WDFY3: variants seen among roughly 807,000 people sequenced by gnomAD.
WDFY3 encodes WD repeat and FYVE domain containing 3.
WDFY3 carries 66 observed loss-of-function variants against 409.6 expected under a neutral mutation model. The ratio of observed to expected loss-of-function variants is 0.16; its 90% CI spans 0.13 to 0.20. The LOEUF is 0.20. Among genes scored for constraint, WDFY3 ranks in the 10% least tolerant of loss-of-function variants. The pLI is 1.00. For missense variants in WDFY3, 3,031 were observed against 4,298.1 expected, an observed-to-expected ratio of 0.71 and a Z score of 8.24; for synonymous variants, 1,521 against 1,537.1, an observed-to-expected ratio of 0.99 and a Z score of 0.25.
At chr4:84,868,639 A>G (rs767004709) in intron 3 of WDFY3, among the ~76,000 whole-genome samples, 4 of 152,176 alleles carry the variant, frequency 2.6e-5, no homozygotes, top group Admixed American at 1.3e-4. Context: ...ACATATTCCA[A>G]AGCCAAAAGC....
intron 9 of WDFY3, among the ~76,000 whole-genome samples, chr4:84,827,194 A>G (rs1447285983): frequency 6.6e-6 from 1 of 152,138 alleles, no homozygotes; most frequent in Non-Finnish European, 1.5e-5. Context: ...TTTAAAAAAA[A>G]AAAAGATTTA....
At chr4:84,913,643 C>T (rs941322755) in intron 2 of WDFY3, among the ~76,000 whole-genome samples, 1 of 151,566 alleles carries the variant, frequency 6.6e-6, no homozygotes, top group Non-Finnish European at 1.5e-5. Flanking sequence ...AGAAGGGTTC[C>T]GATTATCCAA....
At position 84,766,237 on chromosome 4, in the gene WDFY3, A is replaced by G; in HGVS notation, c.4970+15T>C. ...TAGCAACTGGTATAATCACTTTTAA[A>G]AAAGATTTACTTACTGCAAATTAAT... On this transcript the variant is annotated intron_variant, in intron 31 of 67. Coordinates refer to ENST00000295888, the MANE Select transcript of WDFY3 (RefSeq NM_014991.6). 1.3e-6 allele frequency: 2 copies of G among 1,568,430 alleles called. No homozygotes were observed. Among genetic ancestry groups the G allele is most frequent in the Non-Finnish European group, 1.7e-6 (2 of 1,158,480 alleles).
At chr4:84,912,162 C>G (rs1195441605) in intron 2 of WDFY3, among the ~76,000 whole-genome samples, 2 of 152,148 alleles carry the variant, frequency 1.3e-5, no homozygotes, top group Non-Finnish European at 2.9e-5. Context: ...GGAACTCATA[C>G]GAAGTGCCAC....
At chr4:84,888,616 C>T (rs957583621) in intron 3 of WDFY3, among the ~76,000 whole-genome samples, 1 of 152,090 alleles carries the variant, frequency 6.6e-6, no homozygotes, top group Non-Finnish European at 1.5e-5. Context: ...AATGTAAATG[C>T]AAAATATTTC....
intron 50 of WDFY3, among the ~76,000 whole-genome samples, chr4:84,714,210 T>C (rs548863579): frequency 6.6e-6 from 1 of 152,254 alleles, no homozygotes; most frequent in Non-Finnish European, 1.5e-5. Context: ...AACCTTGACC[T>C]CCTGGGCTTA....
chr4:84,735,081 G>T lies in WDFY3; in HGVS notation c.6955C>A (p.Arg2319Ser). ...QWMFTHIAVV[R>S]DLVDTQYKEY... ...TTATATTGTGTATCTACTAAGTCACGAACAACAGCAATGTGAGTAAACATC... is the reference window on the plus strand; with the variant it reads ...TTATATTGTGTATCTACTAAGTCACTAACAACAGCAATGTGAGTAAACATC... The change falls in exon 43 of 68, where the codon CGT (arginine) becomes AGT (serine). Residue 2319 changes from arginine to serine, a missense_variant. Physicochemically the swap from Arg to Ser is moderately radical, Grantham distance 110. Coordinates refer to ENST00000295888, the MANE Select transcript of WDFY3 (RefSeq NM_014991.6). The T allele has an allele frequency of 6.2e-7, 1 of 1,612,948 alleles. No homozygotes were observed. The highest frequency in any genetic ancestry group is 1.1e-5 in the South Asian group (1 of 91,016).
In WDFY3 at chr4:84,737,235, C is replaced by T. The variant is rs1737604801; in HGVS notation, c.6706G>A (p.Ala2236Thr). ...GCAGCTTCTTCAATGAGTGGCCTTGCTGTAGCTATGTCCACGTGGCCCCTT... is the reference window on the plus strand; with the variant it reads ...GCAGCTTCTTCAATGAGTGGCCTTGTTGTAGCTATGTCCACGTGGCCCCTT... ...NERGHVDIAT[A>T]RPLIEEAALK... The change falls in exon 41 of 68, where the codon GCA becomes ACA. Residue 2236 changes from alanine to threonine, a missense_variant. Ala to Thr is a moderately conservative substitution (Grantham distance 58). Transcript: ENST00000295888. 1.9e-6 allele frequency: 3 copies of T among 1,613,968 alleles called. No homozygotes were observed. Among genetic ancestry groups the T allele is most frequent in the African/African-American group, 2.7e-5 (2 of 74,894 alleles).
At position 84,692,991 on chromosome 4, in the gene WDFY3, T is replaced by C; in HGVS notation, c.8943A>G (p.Arg2981=). 6.2e-7 allele frequency: 1 copy of C among 1,611,898 alleles called. No individual in the cohort carries two copies. The highest frequency in any genetic ancestry group is 1.7e-4 in the Middle Eastern group (1 of 6,054). ...KPHPPKRVRS[R]LNGDNAGISV... is the part of the protein sequence containing the mutation. ...AGATTCCTGCATTGTCTCCATTGAGTCGACTTCTCACTCGCTTTGGTGGAT... is the reference window on the plus strand; with the variant it reads ...AGATTCCTGCATTGTCTCCATTGAGCCGACTTCTCACTCGCTTTGGTGGAT... Residue 2981 remains arginine, a synonymous_variant, in exon 59 of 68, where the codon CGA becomes CGG. Transcript: ENST00000295888.
chr4:84,702,522 G>C lies in WDFY3; in HGVS notation c.8443-16C>G. 1 of 1,581,310 alleles carries C rather than the reference G, an allele frequency of 6.3e-7. No individual in the cohort carries two copies. Among genetic ancestry groups the C allele is most frequent in the Non-Finnish European group, 8.6e-7 (1 of 1,167,176 alleles). On this transcript the variant is annotated splice_polypyrimidine_tract_variant and intron_variant, in intron 55 of 67. Transcript: ENST00000295888. ...AGTGGCCACCCTGTGGGCAGAATAA[G>C]ACACCTCTCTATTAGAGAACCGTTC...
intron 67 of WDFY3, 70 bp downstream of exon 67, chr4:84,677,129 T>A: frequency 1.3e-6 from 2 of 1,568,700 alleles, no homozygotes; most frequent in Non-Finnish European, 1.7e-6. Context: ...TCAGAACCTG[T>A]GTGCAGGACA....
intron 3 of WDFY3, chr4:84,879,555 T>C (rs1009835856): frequency 1.3e-5 from 2 of 151,960 alleles, no homozygotes; most frequent in Non-Finnish European, 2.9e-5. Flanking sequence ...TGCTGGAAAG[T>C]ACAACCTCAG....
At chr4:84,712,134 G>A (rs958640921) in intron 51 of WDFY3, among the ~76,000 whole-genome samples, 2 of 151,542 alleles carry the variant, frequency 1.3e-5, no homozygotes, top group Non-Finnish European at 2.9e-5. Flanking sequence ...GACCACCCAC[G>A]CCAACATGGA....
chr4:84,789,936 CT>C, intron 21 of WDFY3, 29 bp from the exon 22 acceptor site: 2 of 1,610,024 alleles, frequency 1.2e-6, no homozygotes. Context: ...GACATAAAAA[CT>C]TTTTCCAACA....
In WDFY3 at chr4:84,690,667, A is replaced by G. The variant is rs147666457; in HGVS notation, c.9205-3T>C. 903 of 1,607,872 alleles carry G rather than the reference A, an allele frequency of 5.6e-4. 6 individuals carry two copies. In the African/African-American group the frequency reaches 0.011, roughly 20 times the overall value. ...AAGCATTCATAAACAGTCATGGCCTATAAAGTAAAACGGATGTGAGACACA... is the reference window on the plus strand; with the variant it reads ...AAGCATTCATAAACAGTCATGGCCTGTAAAGTAAAACGGATGTGAGACACA... On this transcript the variant is annotated splice_polypyrimidine_tract_variant and splice_region_variant and intron_variant, in intron 60 of 67. Coordinates refer to ENST00000295888, the MANE Select transcript of WDFY3 (RefSeq NM_014991.6).
intron 46 of WDFY3, among the ~76,000 whole-genome samples, chr4:84,722,393 A>G (rs1447916359): frequency 6.6e-6 from 1 of 152,176 alleles, no homozygotes; most frequent in African/African-American, 2.4e-5. Flanking sequence ...TCTCAAAAAA[A>G]GTAAAAAATA....
chr4:84,717,575 C>T (rs868372767), intron 48 of WDFY3, among the ~76,000 whole-genome samples: 1 of 152,190 alleles, frequency 6.6e-6, no homozygotes, highest in African/African-American at 2.4e-5. Flanking sequence ...GCCTGTTGAT[C>T]TTCTAAGCCC....
At chr4:84,803,845 A>G (rs1003277557) in intron 15 of WDFY3, 1 of 161,388 alleles carries the variant, frequency 6.2e-6, no homozygotes, top group Admixed American at 5.9e-5. Context: ...ATCAAATTAA[A>G]TTAATTCCCT....
Position 84,724,493 on chromosome 4 carries a change from C to T in WDFY3, c.7374G>A (p.Glu2458=). 6.2e-7 allele frequency: 1 copy of T among 1,614,150 alleles called. No homozygotes were observed. The highest frequency in any genetic ancestry group is 1.6e-4 in the Middle Eastern group (1 of 6,062). Residue 2458 remains glutamate, a synonymous_variant, in exon 46 of 68, where the codon GAG becomes GAA. Coordinates refer to ENST00000295888, the MANE Select transcript of WDFY3 (RefSeq NM_014991.6). ...NPAIVQDAIV[E]SSEGEAAQQE... ...GCTGAGCAGCTTCACCTTCTGAACT[C>T]TCCACAATGGCGTCTTGGACAATGG... is the stretch of plus-strand genomic sequence containing the variant.
Sources: gnomAD v4.1 joint callset for allele counts (sites outside exome capture counted in the v4.1 genomes callset) on GRCh38, gnomAD v4.1.1 for gene constraint, MANE v1.5 for transcripts, NCBI Gene and HGNC (gene_info 2026-07-23, HGNC 2026-07-21) for gene names.